MDFIC2: variants seen among roughly 807,000 people sequenced by gnomAD.
MDFIC2 encodes myoD family inhibitor domain-containing protein 2.
In MDFIC2 at chr3:70,303,055, G is replaced by A. The variant is rs1298066493; in HGVS notation, c.88+8831C>T. Reference sequence around the variant, plus strand: ...AAATGATTTTGACATTTGAACTTCAGTAGAAGGCCAATACATTTAAAGTAA... The same window carrying A: ...AAATGATTTTGACATTTGAACTTCAATAGAAGGCCAATACATTTAAAGTAA... On this transcript the variant is annotated intron_variant, in intron 2 of 3. Coordinates refer to ENST00000567252, the MANE Select transcript of MDFIC2 (RefSeq NM_001364677.1). Among the ~76,000 whole-genome samples the A allele has an allele frequency of 2.6e-5, 4 of 152,278 alleles. 1 individual carries two copies. The highest frequency in any genetic ancestry group is 4.2e-4 in the South Asian group (2 of 4,816).
At chr3:70,252,670 G>A (rs777007948) in intron 2 of MDFIC2, among the ~76,000 whole-genome samples, 9 of 152,072 alleles carry the variant, frequency 5.9e-5, no homozygotes, top group East Asian at 1.9e-4. Context: ...CATCATTCAG[G>A]CACTGTATTG....
At chr3:70,253,851 C>T (rs2106654447) in intron 2 of MDFIC2, among the ~76,000 whole-genome samples, 1 of 152,138 alleles carries the variant, frequency 6.6e-6, no homozygotes, top group East Asian at 1.9e-4. Context: ...ATTAAATAAG[C>T]TTAAGTGAAA....
chr3:70,270,403 A>C (rs1470518869), intron 2 of MDFIC2, among the ~76,000 whole-genome samples: 2 of 152,240 alleles, frequency 1.3e-5, no homozygotes, highest in Non-Finnish European at 2.9e-5. Flanking sequence ...AAAAACACAG[A>C]CCAAACACAT....
intron 2 of MDFIC2, among the ~76,000 whole-genome samples, chr3:70,257,115 C>A (rs948919515): frequency 6.6e-6 from 1 of 152,120 alleles, no homozygotes; most frequent in Admixed American, 6.5e-5. Context: ...TTAAAGCCAG[C>A]GCTACTTTTC....
chr3:70,241,798 A>G (rs112091432), intron 2 of MDFIC2, among the ~76,000 whole-genome samples: 4,116 of 152,286 alleles, frequency 0.027, 72 homozygotes, highest in South Asian at 0.065. Flanking sequence ...AAAATATTAT[A>G]CCTATTTTAC....
chr3:70,302,013 G>A (rs1404955156), intron 2 of MDFIC2, among the ~76,000 whole-genome samples: 1 of 151,986 alleles, frequency 6.6e-6, no homozygotes, highest in Admixed American at 6.6e-5. Flanking sequence ...ATCCATATTG[G>A]TGTGGAAATT....
intron 2 of MDFIC2, among the ~76,000 whole-genome samples, chr3:70,221,764 G>T (rs1559538517): frequency 6.6e-6 from 1 of 152,176 alleles, no homozygotes; most frequent in Non-Finnish European, 1.5e-5. Context: ...CAATCCTTGG[G>T]ACCGTGATTA....
intron 2 of MDFIC2, among the ~76,000 whole-genome samples, chr3:70,216,053 A>T (rs1213779364): frequency 6.6e-6 from 1 of 152,110 alleles, no homozygotes; most frequent in African/African-American, 2.4e-5. Context: ...ATTAAAATCT[A>T]TAATTCTACC....
At chr3:70,232,502 T>G (rs566668930) in intron 2 of MDFIC2, among the ~76,000 whole-genome samples, 2 of 151,590 alleles carry the variant, frequency 1.3e-5, no homozygotes, top group South Asian at 4.2e-4. Flanking sequence ...CGGGTTCAAG[T>G]GATTCTCCTG....
chr3:70,267,573 T>TG (rs1701929404), intron 2 of MDFIC2, among the ~76,000 whole-genome samples: 1 of 103,610 alleles, frequency 9.7e-6, no homozygotes, highest in African/African-American at 3.7e-5. Flanking sequence ...CGGCTAATTT[T>TG]TTGTATTTTT....
chr3:70,248,421 G>C (rs1237798349), intron 2 of MDFIC2, among the ~76,000 whole-genome samples: 1 of 152,078 alleles, frequency 6.6e-6, no homozygotes, highest in Middle Eastern at 3.2e-3. Flanking sequence ...AGAATTAGAA[G>C]CACACTGGTT....
intron 2 of MDFIC2, among the ~76,000 whole-genome samples, chr3:70,300,021 A>C (rs1488944190): frequency 2.0e-5 from 3 of 152,112 alleles, no homozygotes; most frequent in Admixed American, 6.6e-5. Flanking sequence ...ATATTCCATC[A>C]GTTTGTATTG....
intron 2 of MDFIC2, among the ~76,000 whole-genome samples, chr3:70,277,130 A>AG (rs1329402572): frequency 3.9e-5 from 6 of 152,290 alleles, no homozygotes; most frequent in Admixed American, 3.9e-4. Flanking sequence ...TGATTAGGTG[A>AG]GACCTCGGCA....
rs955965438 is a variant in MDFIC2, at chr3:70,232,641, G to A, written c.89-25851C>T. 3.9e-5 allele frequency among the ~76,000 whole-genome samples: 6 copies of A among 151,966 alleles called. No homozygotes were observed. The East Asian group carries it at 9.7e-4, about 25-fold the overall frequency. On this transcript the variant is annotated intron_variant, in intron 2 of 3. Transcript: ENST00000567252. ...TCTCAATCTCCTGAGCTCGTGATCC[G>A]CCCGCCTCAGCCTCCCAAAGTGCTT...
chr3:70,217,881 C>T (rs897597815), intron 2 of MDFIC2, among the ~76,000 whole-genome samples: 1 of 152,120 alleles, frequency 6.6e-6, no homozygotes, highest in African/African-American at 2.4e-5. Flanking sequence ...CTATCAGCAT[C>T]TATCAGGTTA....
chr3:70,233,099 G>A (rs1406876056), intron 2 of MDFIC2, among the ~76,000 whole-genome samples: 1 of 152,216 alleles, frequency 6.6e-6, no homozygotes, highest in African/African-American at 2.4e-5. Flanking sequence ...TGAGGCACAA[G>A]AATCGCTTAA....
At chr3:70,232,601 T>C (rs1386320319) in intron 2 of MDFIC2, among the ~76,000 whole-genome samples, 2 of 151,996 alleles carry the variant, frequency 1.3e-5, no homozygotes, top group African/African-American at 4.8e-5. Context: ...GGTTTCACTG[T>C]GTGGGCCAGG....
intron 2 of MDFIC2, among the ~76,000 whole-genome samples, chr3:70,284,573 A>G (rs1575615273): frequency 6.6e-6 from 1 of 152,314 alleles, no homozygotes; most frequent in East Asian, 1.9e-4. Context: ...AGCCATAAAA[A>G]AGAATAAGAT....
chr3:70,204,147 T>TTAGCATTTATAATGC (rs1176199595), intron 3 of MDFIC2, among the ~76,000 whole-genome samples: 7 of 152,296 alleles, frequency 4.6e-5, no homozygotes, highest in African/African-American at 1.7e-4. Context: ...ATAATAGATA[T>TTAGCATTTATAATGC]TAGCAATTAA....
Sources: gnomAD v4.1 joint callset for allele counts (sites outside exome capture counted in the v4.1 genomes callset) on GRCh38, gnomAD v4.1.1 for gene constraint, MANE v1.5 for transcripts, NCBI Gene and HGNC (gene_info 2026-07-23, HGNC 2026-07-21) for gene names.